Variants in RNF220 observed in about 807,000 individuals in gnomAD.
The protein encoded by RNF220 is E3 ubiquitin-protein ligase RNF220.
A neutral mutation model predicts 67.1 loss-of-function variants in RNF220; 7 were observed. The observed-to-expected ratio is 0.10, with a 90% CI of 0.06 to 0.20. The LOEUF is 0.20. RNF220 is among the 10% of genes least tolerant of loss of function. The probability of loss-of-function intolerance (pLI) is 1.00; values close to 1 mark genes in which losing one functional copy is unlikely to be tolerated. For missense variants in RNF220, 565 were observed against 740.3 expected (o/e 0.76, Z 2.75); for synonymous variants, 270 against 283.2 (o/e 0.95, Z 0.47).
chr1:44,498,495 A>G (rs1657544988), intron 2 of RNF220, among the ~76,000 whole-genome samples: 1 of 152,082 alleles, frequency 6.6e-6, no homozygotes, highest in African/African-American at 2.4e-5. Context: ...AAAAATACTG[A>G]TATCCTTGAA....
intron 2 of RNF220, among the ~76,000 whole-genome samples, chr1:44,594,734 G>A (rs1337554721): frequency 6.6e-6 from 1 of 152,200 alleles, no homozygotes; most frequent in African/African-American, 2.4e-5. Flanking sequence ...ATAGCCCATT[G>A]GGAACTGGGG....
chr1:44,625,062 C>T (rs920892188), intron 4 of RNF220, among the ~76,000 whole-genome samples: 18 of 149,456 alleles, frequency 1.2e-4, no homozygotes, highest in Non-Finnish European at 2.4e-4. Context: ...AGAGAGAAAG[C>T]GCACAAACAG....
intron 2 of RNF220, among the ~76,000 whole-genome samples, chr1:44,460,202 C>G (rs1653627533): frequency 6.6e-6 from 1 of 152,172 alleles, no homozygotes; most frequent in Admixed American, 6.5e-5. Context: ...TCTTAGAGGG[C>G]ATTAATTCAC....
chr1:44,576,397 C>CT (rs1169347841), intron 2 of RNF220, among the ~76,000 whole-genome samples: 1 of 152,164 alleles, frequency 6.6e-6, no homozygotes, highest in East Asian at 1.9e-4. Flanking sequence ...TCTGGGGCTC[C>CT]TAAGGGCAGA....
chr1:44,610,315 G>C (rs930071075), intron 2 of RNF220, among the ~76,000 whole-genome samples: 2 of 152,228 alleles, frequency 1.3e-5, no homozygotes, highest in African/African-American at 4.8e-5. Context: ...AGCGCCCGGG[G>C]ATTAGCAGGA....
At position 44,645,207 on chromosome 1, in the gene RNF220, C is replaced by T. The variant is rs370184091; in HGVS notation, c.1311-14C>T. 128 of 1,614,032 alleles carry T rather than the reference C, an allele frequency of 7.9e-5. No homozygotes were observed. The highest frequency in any genetic ancestry group is 6.8e-4 in the Admixed American group (41 of 60,006). The stretch of plus-strand genomic sequence containing the variant: ...TCAGGCCTCACTTTGTTTTTCCTCC[C>T]TCCTTTCCTCCAGTGGCGGCCCTCC... On this transcript the variant is annotated splice_polypyrimidine_tract_variant and intron_variant, in intron 10 of 14. Coordinates refer to ENST00000361799, the MANE Select transcript of RNF220 (RefSeq NM_018150.4). This position sits in a 1 kb window ranked among gnomAD's most constrained non-coding sequence, Gnocchi z 5.0.
intron 2 of RNF220, among the ~76,000 whole-genome samples, chr1:44,487,672 AAATAATAATAATAAT>A (rs537638294): frequency 0.017 from 2,424 of 142,542 alleles, 38 homozygotes; most frequent in Non-Finnish European, 0.023. Context: ...ATCTCTACTA[AAATAATAATAATAAT>A]AATAATAATA....
At chr1:44,469,152 T>A (rs985750608) in intron 2 of RNF220, among the ~76,000 whole-genome samples, 15 of 152,182 alleles carry the variant, frequency 9.9e-5, no homozygotes, top group Admixed American at 9.2e-4. Flanking sequence ...TATATATTAT[T>A]AAAGGAAAGA....
chr1:44,626,570 C>CTT, intron 5 of RNF220, 172 bp downstream of exon 5: 1 of 608,782 alleles, frequency 1.6e-6, no homozygotes, highest in Admixed American at 2.8e-5. Context: ...GCATACGTGT[C>CTT]AGGGAATAGG....
At chr1:44,426,902 C>G (rs1258187652) in intron 2 of RNF220, among the ~76,000 whole-genome samples, 5 of 152,106 alleles carry the variant, frequency 3.3e-5, no homozygotes, top group Admixed American at 3.3e-4. Flanking sequence ...CATTTAGTCC[C>G]AGAGACTTCC....
In RNF220 at chr1:44,649,982, A is replaced by T. The variant is rs1644746822; in HGVS notation, c.1629+25A>T. The T allele has an allele frequency of 3.1e-6, 5 of 1,610,414 alleles. No individual in the cohort carries two copies. Among genetic ancestry groups the T allele is most frequent in the Non-Finnish European group, 4.2e-6 (5 of 1,178,670 alleles). ...GGTGAGGTGGCATGGGGGTCGGGGA[A>T]TGGGAGGCCGCTCCGGGCACTGCCC... On this transcript the variant is annotated intron_variant, in intron 14 of 14. Transcript: ENST00000361799. This position sits in a 1 kb window ranked among gnomAD's most constrained non-coding sequence, Gnocchi z 5.9.
At chr1:44,559,719 A>G (rs1399695785) in intron 2 of RNF220, among the ~76,000 whole-genome samples, 1 of 152,208 alleles carries the variant, frequency 6.6e-6, no homozygotes, top group Admixed American at 6.5e-5. Flanking sequence ...GCAGTGTGCG[A>G]GGGAGCTTTG....
chr1:44,464,151 T>G (rs1654055266), intron 2 of RNF220, among the ~76,000 whole-genome samples: 1 of 152,258 alleles, frequency 6.6e-6, no homozygotes. Flanking sequence ...AACAACATTG[T>G]ATAACAAACT....
chr1:44,409,762 G>T (rs1361777201), intron 1 of RNF220, among the ~76,000 whole-genome samples: 2 of 152,130 alleles, frequency 1.3e-5, no homozygotes, highest in African/African-American at 4.8e-5. Flanking sequence ...TTTGGGTTCT[G>T]TGTTTAAACC....
At chr1:44,443,871 G>A (rs980312292) in intron 2 of RNF220, among the ~76,000 whole-genome samples, 15 of 152,108 alleles carry the variant, frequency 9.9e-5, no homozygotes, top group African/African-American at 3.1e-4. Context: ...CAGGCGGATC[G>A]CCTGAGGTCA....
chr1:44,484,861 C>T (rs1250187002), intron 2 of RNF220, among the ~76,000 whole-genome samples: 1 of 152,196 alleles, frequency 6.6e-6, no homozygotes, highest in Non-Finnish European at 1.5e-5. Flanking sequence ...GTTGCTCTGA[C>T]AGCCGGGCAC....
chr1:44,429,519 A>C (rs1650135823), intron 2 of RNF220, among the ~76,000 whole-genome samples: 1 of 152,222 alleles, frequency 6.6e-6, no homozygotes, highest in Admixed American at 6.5e-5. Context: ...GAATGATATT[A>C]GAGAAGTGAG....
At chr1:44,418,616 T>TGGCCCCAGG (rs1346041872) in intron 2 of RNF220, among the ~76,000 whole-genome samples, 1 of 116,000 alleles carries the variant, frequency 8.6e-6, no homozygotes, top group Non-Finnish European at 1.9e-5. Context: ...AGGTTGATTA[T>TGGCCCCAGG]TTGGTGGCCC....
chr1:44,596,927 A>G lies in RNF220; in HGVS notation c.626-17238A>G, dbSNP rs115921229. Among the ~76,000 whole-genome samples, 1,340 of 152,374 alleles carry G rather than the reference A, an allele frequency of 8.8e-3. 10 individuals are homozygous for G. Among genetic ancestry groups the G allele is most frequent in the African/African-American group, 0.022 (906 of 41,588 alleles). ...TAAAACATCAGAGTCTAAACAGTCAATTGGTTCTAATAATTAATACTATGG... is the reference window on the plus strand; with the variant it reads ...TAAAACATCAGAGTCTAAACAGTCAGTTGGTTCTAATAATTAATACTATGG... On this transcript the variant is annotated intron_variant, in intron 2 of 14. Coordinates refer to ENST00000361799, the MANE Select transcript of RNF220 (RefSeq NM_018150.4).
Sources: gnomAD v4.1 joint callset for allele counts (sites outside exome capture counted in the v4.1 genomes callset) on GRCh38, gnomAD v4.1.1 for gene constraint, Gnocchi (gnomAD v3.1) non-coding constraint, MANE v1.5 for transcripts, NCBI Gene and HGNC (gene_info 2026-07-23, HGNC 2026-07-21) for gene names.